KLC4: variants seen among roughly 807,000 people sequenced by gnomAD.
The protein encoded by KLC4 is kinesin-like protein 8.
In KLC4, 49 loss-of-function variants were observed where a neutral mutation model predicts 77.2. The ratio of observed to expected loss-of-function variants is 0.63; its 90% CI spans 0.50 to 0.80. The LOEUF is 0.80. Among genes scored for constraint, KLC4 ranks in the 30% least tolerant of loss-of-function variants. The probability of loss-of-function intolerance (pLI) is 0.00; values close to 1 mark genes in which losing one functional copy is unlikely to be tolerated. For synonymous variants in KLC4, 274 were observed against 314.5 expected (o/e 0.87, Z 1.36); for missense variants, 669 against 793.5 (o/e 0.84, Z 1.89).
intron 10 of KLC4, 68 bp downstream of exon 10, chr6:43,071,687 C>T (rs997795359): frequency 6.5e-7 from 1 of 1,529,556 alleles, no homozygotes. Context: ...TTACTCCTTG[C>T]ATTAGCCCAA....
In KLC4 at chr6:43,074,718, G is replaced by C; in HGVS notation, c.*46G>C. On this transcript the variant is annotated 3_prime_UTR_variant, in exon 16 of 16. Transcript: ENST00000347162. ...TCTGCTGGGTCCCCCCACCCCCACA[G>C]CCCTCACAGCATTCCCCATTGCTCC... 6.6e-7 allele frequency: 1 copy of C among 1,504,958 alleles called. No individual in the cohort carries two copies. The highest frequency in any genetic ancestry group is 1.1e-5 in the South Asian group (1 of 88,878). The allele number at this position is 1,504,958 out of a possible 1,614,324, so 93.2% of individuals were successfully genotyped here. A position where few individuals can be genotyped will look rare whatever the true frequency, so the allele number is the denominator to read the frequency against.
At chr6:43,070,309 C>A in intron 6 of KLC4, 45 bp from the exon 7 acceptor site, 2 of 1,422,136 alleles carry the variant, frequency 1.4e-6, no homozygotes, top group South Asian at 1.2e-5. Context: ...TCCCATAGGT[C>A]TTTTGCAACC....
chr6:43,070,812 G>A lies in KLC4; in HGVS notation c.1102G>A (p.Glu368Lys), dbSNP rs1438310233. Residue 368 changes from glutamate to lysine, a missense_variant, in exon 8 of 16, where the codon GAG becomes AAG. Glu to Lys is a moderately conservative substitution (Grantham distance 56). Transcript: ENST00000347162. ...RYYQRALAIYEGQLGPDNPNV... is the reference protein window; with the variant it reads ...RYYQRALAIYKGQLGPDNPNV... ...CTACCAGCGAGCACTGGCCATCTAC[G>A]AGGGGCAGCTGGGGCCGGACAACCC... 1.9e-6 allele frequency: 3 copies of A among 1,613,534 alleles called. No homozygotes were observed. Among genetic ancestry groups the A allele is most frequent in the Admixed American group, 1.7e-5 (1 of 59,928 alleles).
At chr6:43,071,104 C>T (rs1168415015) in intron 8 of KLC4, among the ~76,000 whole-genome samples, 171 bp from the exon 9 acceptor site, 1 of 151,330 alleles carries the variant, frequency 6.6e-6, no homozygotes, top group Non-Finnish European at 1.5e-5. Context: ...ATACCCTTGA[C>T]CCTACACCTG....
chr6:43,065,289 G>A, intron 3 of KLC4: 1 of 221,666 alleles, frequency 4.5e-6, no homozygotes, highest in Non-Finnish European at 9.2e-6. Context: ...GGTCAGGATG[G>A]TCTTGAACTC....
In KLC4 at chr6:43,073,261, C is replaced by T. The variant is rs375633439; in HGVS notation, c.1668C>T (p.Gly556=). 2 of 1,614,012 alleles carry T rather than the reference C, an allele frequency of 1.2e-6. No homozygotes were observed. The highest frequency in any genetic ancestry group is 1.3e-5 in the African/African-American group (1 of 74,906). Reference sequence around the variant, plus strand: ...CCCTGCAGAGGAGTGGCTCTCTTGGCAAGATCCGGGATGTGCTCCGCAGAA... The same window carrying T: ...CCCTGCAGAGGAGTGGCTCTCTTGGTAAGATCCGGGATGTGCTCCGCAGAA... ...SGTLQRSGSL[G]KIRDVLRRSS... Residue 556 remains glycine (G), a synonymous_variant, in exon 14 of 16, where the codon GGC becomes GGT. Coordinates refer to ENST00000347162, the MANE Select transcript of KLC4 (RefSeq NM_201521.3).
rs1765875577 is a variant in KLC4 at position 43,074,391 on chromosome 6, T to C, written c.1810-231T>C. 6.9e-6 allele frequency: 4 copies of C among 578,208 alleles called. No homozygotes were observed. In the South Asian group the frequency reaches 8.6e-5, roughly 12 times the overall value. 35.8% of individuals were successfully genotyped at this position (578,208 alleles called of 1,614,324 possible). ...GACTTCTTGTATCAACACACAAGTA[T>C]ATGCCAGTATTCATGTGGTTCTTCC... is the stretch of plus-strand genomic sequence containing the variant. On this transcript the variant is annotated intron_variant, in intron 15 of 15. Transcript: ENST00000347162.
Position 43,074,651 on chromosome 6 carries a change from G to A in KLC4, c.1839G>A (p.Met613Ile). The change falls in exon 16 of 16, where the codon ATG becomes ATA. Residue 613 changes from methionine to isoleucine, a missense_variant. By Grantham distance (10) the Met-to-Ile change is conservative (BLOSUM62 1). Coordinates refer to ENST00000347162, the MANE Select transcript of KLC4 (RefSeq NM_201521.3). ...CCCGGGGCCTCAGTGCCAGCACCAT[G>A]GACCTCTCTTCAAGCAGCTGACATT... Reference protein sequence around the residue: ...QVSRGLSASTMDLSSSS With the variant: ...QVSRGLSASTIDLSSSS The A allele has an allele frequency of 1.2e-6, 2 of 1,614,184 alleles. No homozygotes were observed. The highest frequency in any genetic ancestry group is 1.7e-6 in the Non-Finnish European group (2 of 1,180,010).
chr6:43,066,885 T>C (rs1765459781), intron 5 of KLC4, 111 bp from the exon 6 acceptor site: 2 of 1,480,080 alleles, frequency 1.4e-6, no homozygotes, highest in Admixed American at 4.2e-5. Context: ...GCTTCCTGTC[T>C]CCTCATGGAG....
Position 43,071,837 on chromosome 6 carries a change from C to G in KLC4, c.1309-15C>G. 6.2e-7 allele frequency: 1 copy of G among 1,610,582 alleles called. No homozygotes were observed. Among genetic ancestry groups the G allele is most frequent in the Non-Finnish European group, 8.5e-7 (1 of 1,179,054 alleles). On this transcript the variant is annotated splice_polypyrimidine_tract_variant and intron_variant, in intron 10 of 15. Transcript: ENST00000347162. The stretch of plus-strand genomic sequence containing the variant: ...CTCTCCCTGCCCTTCTTTCTGGCCT[C>G]TCTCTGTCCTGCAGAGCCGGCACCA...
At chr6:43,062,195 G>A (rs1765198255) in intron 2 of KLC4, among the ~76,000 whole-genome samples, 2 of 152,190 alleles carry the variant, frequency 1.3e-5, no homozygotes, top group East Asian at 3.8e-4. Flanking sequence ...TAATGGGGTT[G>A]GAGGGGAGGG....
intron 6 of KLC4, among the ~76,000 whole-genome samples, chr6:43,068,343 G>T (rs1260746838): frequency 6.6e-6 from 1 of 151,186 alleles, no homozygotes; most frequent in Non-Finnish European, 1.5e-5. Flanking sequence ...GTGGTGGGGG[G>T]CACTTGTAAT....
Position 43,074,875 on chromosome 6 carries a change from A to C in KLC4, c.*203A>C. 5 of 592,842 alleles carry C rather than the reference A, an allele frequency of 8.4e-6. No individual in the cohort carries two copies. In the South Asian group the frequency reaches 9.6e-5, roughly 11 times the overall value. The allele number at this position is 592,842 out of a possible 1,614,324, so 36.7% of individuals were successfully genotyped here. On this transcript the variant is annotated 3_prime_UTR_variant, in exon 16 of 16. Transcript: ENST00000347162. ...AGGACCCTCAGGACACCCTCTCTGCACCCTGTGGTCCTCTAGAGTAGCTAG... is the reference window on the plus strand; with the variant it reads ...AGGACCCTCAGGACACCCTCTCTGCCCCCTGTGGTCCTCTAGAGTAGCTAG...
At position 43,071,575 on chromosome 6, in the gene KLC4, A is replaced by C. The variant is rs771205681; in HGVS notation, c.1264A>C (p.Lys422Gln). Residue 422 changes from lysine (K) to glutamine (Q), a missense_variant, in exon 10 of 16, where the codon AAG (lysine) becomes CAG (glutamine). Physicochemically the swap from Lys to Gln is moderately conservative, Grantham distance 53. Transcript: ENST00000347162. ...CCATGTATCACCCCTAGATGACCAC[A>C]AGCCCATCTGGATGCATGCAGAGGA... The part of the protein sequence containing the change: ...QEFGSVDDDH[K>Q]PIWMHAEERE... 1.4e-5 allele frequency: 23 copies of C among 1,613,464 alleles called. No individual in the cohort carries two copies. The highest frequency in any genetic ancestry group is 1.9e-5 in the Non-Finnish European group (22 of 1,179,882).
At chr6:43,071,220 A>T in intron 8 of KLC4, 55 bp from the exon 9 acceptor site, 3 of 994,742 alleles carry the variant, frequency 3.0e-6, no homozygotes, top group Non-Finnish European at 3.0e-6. Flanking sequence ...AAAAAAAAAA[A>T]GACCTTGCCT....
Position 43,074,654 on chromosome 6 carries a change from C to G in KLC4, c.1842C>G (p.Asp614Glu). ...GGGGCCTCAGTGCCAGCACCATGGA[C>G]CTCTCTTCAAGCAGCTGACATTCAA... The part of the protein sequence containing the change: ...VSRGLSASTM[D>E]LSSSS The change falls in exon 16 of 16, where the codon GAC (aspartate) becomes GAG (glutamate). Residue 614 changes from aspartate to glutamate, a missense_variant. Transcript: ENST00000347162. 1 of 1,614,150 alleles carries G rather than the reference C, an allele frequency of 6.2e-7. No homozygotes were observed. Among genetic ancestry groups the G allele is most frequent in the Non-Finnish European group, 8.5e-7 (1 of 1,179,994 alleles).
intron 1 of KLC4, among the ~76,000 whole-genome samples, chr6:43,060,874 G>GT (rs951012738): frequency 2.0e-4 from 31 of 152,042 alleles, no homozygotes; most frequent in Admixed American, 2.0e-4. Context: ...GATTCCTTCC[G>GT]TTTTTTCTAG....
At chr6:43,062,767 T>G in intron 2 of KLC4, 150 bp from the exon 3 acceptor site, 1 of 622,130 alleles carries the variant, frequency 1.6e-6, no homozygotes. Flanking sequence ...GGATTCAGGG[T>G]ATGTTTTGAA....
intron 6 of KLC4, 167 bp downstream of exon 6, chr6:43,067,250 T>G: frequency 7.6e-7 from 1 of 1,309,982 alleles, no homozygotes; most frequent in Non-Finnish European, 9.8e-7. Flanking sequence ...ATCCTAATGA[T>G]TCTCAATTCT....
Sources: gnomAD v4.1 joint callset for allele counts (sites outside exome capture counted in the v4.1 genomes callset) on GRCh38, gnomAD v4.1.1 for gene constraint, MANE v1.5 for transcripts, NCBI Gene and HGNC (gene_info 2026-07-23, HGNC 2026-07-21) for gene names.